The following DDX10 variants were observed in gnomAD, a reference collection of about 807,000 sequenced individuals.
The protein encoded by DDX10 is probable ATP-dependent RNA helicase DDX10.
A neutral mutation model predicts 104.3 loss-of-function variants in DDX10; 74 were observed. The observed-to-expected ratio is 0.71, with a 90% CI of 0.59 to 0.86. The LOEUF is 0.86. Among genes scored for constraint, DDX10 ranks in the 40% least tolerant of loss-of-function variants. The pLI is 0.00. For synonymous variants in DDX10, 351 were observed against 353.4 expected, an observed-to-expected ratio of 0.99 and a Z score of 0.08; for missense variants, 952 against 1,040.0, an observed-to-expected ratio of 0.92 and a Z score of 1.16.
At chr11:108,774,836 T>A (rs79531996) in intron 13 of DDX10, among the ~76,000 whole-genome samples, 6,417 of 152,292 alleles carry the variant, frequency 0.042, 374 homozygotes, top group African/African-American at 0.13. Flanking sequence ...GCAGCCTCTC[T>A]CCTCTCCAGT....
chr11:108,869,616 G>T (rs1226406788), intron 16 of DDX10, among the ~76,000 whole-genome samples: 2 of 152,008 alleles, frequency 1.3e-5, no homozygotes, highest in African/African-American at 4.8e-5. Context: ...GCAGACTGTG[G>T]ATTATTCATG....
intron 13 of DDX10, among the ~76,000 whole-genome samples, chr11:108,767,100 T>C (rs1428345529): frequency 6.6e-6 from 1 of 152,158 alleles, no homozygotes; most frequent in Non-Finnish European, 1.5e-5. Flanking sequence ...CACTAAGTGA[T>C]GTGGACCTCA....
At chr11:108,811,891 AT>A (rs1862187003) in intron 13 of DDX10, among the ~76,000 whole-genome samples, 1 of 55,078 alleles carries the variant, frequency 1.8e-5, no homozygotes, top group African/African-American at 3.3e-5. Context: ...AATTATAAAT[AT>A]GGGGGGGGGA....
chr11:108,730,121 A>T (rs918577777), intron 13 of DDX10: 1 of 152,294 alleles, frequency 6.6e-6, no homozygotes, highest in Admixed American at 6.5e-5. Flanking sequence ...CCAGGAAAAC[A>T]ATAGTCCCTC....
chr11:108,905,174 G>C (rs1446091497), intron 16 of DDX10, among the ~76,000 whole-genome samples: 2 of 152,048 alleles, frequency 1.3e-5, no homozygotes, highest in Non-Finnish European at 2.9e-5. Context: ...AGGAACCCCA[G>C]GTTAAGAACT....
intron 13 of DDX10, among the ~76,000 whole-genome samples, chr11:108,781,044 A>T (rs558041169): frequency 1.3e-5 from 2 of 152,090 alleles, no homozygotes; most frequent in Non-Finnish European, 2.9e-5. Flanking sequence ...TGGTTTTTCA[A>T]TCCACACCCT....
chr11:108,677,283 C>T (rs750546249), intron 4 of DDX10, 40 bp downstream of exon 4: 1 of 1,578,404 alleles, frequency 6.3e-7, no homozygotes, highest in Non-Finnish European at 8.7e-7. Flanking sequence ...CCTTCTGTAA[C>T]CTATACTGGA....
chr11:108,802,111 G>A (rs1862030840), intron 13 of DDX10, among the ~76,000 whole-genome samples: 1 of 152,006 alleles, frequency 6.6e-6, no homozygotes, highest in Admixed American at 6.6e-5. Flanking sequence ...GTATGTGTGG[G>A]TAGGTCTGGA....
At chr11:108,918,893 G>T (rs148094502) in intron 17 of DDX10, 4 of 152,306 alleles carry the variant, frequency 2.6e-5, no homozygotes, top group African/African-American at 9.6e-5. Context: ...CTTTACAGAA[G>T]GGAGGTACTA....
At chr11:108,713,427 G>A (rs924591116) in intron 10 of DDX10, among the ~76,000 whole-genome samples, 1 of 152,102 alleles carries the variant, frequency 6.6e-6, no homozygotes, top group Non-Finnish European at 1.5e-5. Context: ...TCCCTCAGCT[G>A]TGTCCAATCT....
chr11:108,778,698 TCTAATTAAA>T lies in DDX10; in HGVS notation c.1965+55241_1965+55249del, dbSNP rs1277500550. Among the ~76,000 whole-genome samples, 35 of 152,192 alleles carry T rather than the reference TCTAATTAAA, an allele frequency of 2.3e-4. No homozygotes were observed. In the Middle Eastern group the frequency reaches 0.014, roughly 59 times the overall value. ...CAAATGCCAAAATTGACAAATGGGATCTAATTAAACTAAAGAGCTTCTGCATAGCAAAAT... is the reference window on the plus strand; with the variant it reads ...CAAATGCCAAAATTGACAAATGGGATCTAAAGAGCTTCTGCATAGCAAAAT... On this transcript the variant is annotated intron_variant, in intron 13 of 17. Coordinates refer to ENST00000322536, the MANE Select transcript of DDX10 (RefSeq NM_004398.4).
chr11:108,894,014 G>A (rs1443659036), intron 16 of DDX10, among the ~76,000 whole-genome samples: 1 of 152,056 alleles, frequency 6.6e-6, no homozygotes, highest in Non-Finnish European at 1.5e-5. Context: ...AAGTCCACTT[G>A]TAAATGACTG....
intron 15 of DDX10, among the ~76,000 whole-genome samples, chr11:108,845,985 C>T (rs1395341628): frequency 6.6e-6 from 1 of 152,124 alleles, no homozygotes; most frequent in Non-Finnish European, 1.5e-5. Context: ...TACTATTACA[C>T]CTGTCTTTGA....
At chr11:108,902,696 C>G (rs555847018) in intron 16 of DDX10, among the ~76,000 whole-genome samples, 1 of 151,962 alleles carries the variant, frequency 6.6e-6, no homozygotes, top group South Asian at 2.1e-4. Flanking sequence ...GGGAGGTGTT[C>G]CTGAATGTAT....
At chr11:108,912,398 G>T (rs80288155) in intron 16 of DDX10, among the ~76,000 whole-genome samples, 20 of 151,814 alleles carry the variant, frequency 1.3e-4, no homozygotes, top group African/African-American at 4.4e-4. Context: ...TTCTCATACC[G>T]ATCCTCCACC....
chr11:108,864,829 C>G (rs1862988009), intron 16 of DDX10, among the ~76,000 whole-genome samples: 1 of 152,124 alleles, frequency 6.6e-6, no homozygotes, highest in South Asian at 2.1e-4. Flanking sequence ...ACCCCCATGG[C>G]AGAATGTATA....
At chr11:108,687,376 A>G (rs1039140826) in intron 6 of DDX10, among the ~76,000 whole-genome samples, 3 of 152,086 alleles carry the variant, frequency 2.0e-5, no homozygotes, top group Non-Finnish European at 4.4e-5. Context: ...TAGCATGATC[A>G]TGGCTCACTG....
In DDX10 at chr11:108,870,062, A is replaced by G. The variant is rs192808986; in HGVS notation, c.2304+17853A>G. On this transcript the variant is annotated intron_variant, in intron 16 of 17. Transcript: ENST00000322536. ...GGGAGAAATGGACTATAAAATTACA[A>G]TAGGAGAAATCTGCGTAAGGGGTAT... 1.5e-3 allele frequency among the ~76,000 whole-genome samples: 233 copies of G among 152,264 alleles called. 1 individual carries two copies. The highest frequency in any genetic ancestry group is 3.4e-3 in the Middle Eastern group (1 of 294).
intron 6 of DDX10, among the ~76,000 whole-genome samples, chr11:108,687,534 TC>T (rs2094246073): frequency 6.6e-6 from 1 of 152,144 alleles, no homozygotes; most frequent in African/African-American, 2.4e-5. Flanking sequence ...TGGTGTAGCA[TC>T]TTTTCATATG....
Sources: gnomAD v4.1 joint callset for allele counts (sites outside exome capture counted in the v4.1 genomes callset) on GRCh38, gnomAD v4.1.1 for gene constraint, MANE v1.5 for transcripts, NCBI Gene and HGNC (gene_info 2026-07-23, HGNC 2026-07-21) for gene names.